Variants in KALRN observed in about 807,000 individuals in gnomAD.
KALRN encodes the protein kalirin.
KALRN carries 70 observed loss-of-function variants against 353.7 expected under a neutral mutation model. The observed-to-expected ratio is 0.20, with a 90% CI of 0.16 to 0.24. The LOEUF (loss-of-function observed/expected upper bound fraction) is 0.24. Ranked by LOEUF, KALRN falls within the 10% of genes least tolerant of loss-of-function variation. KALRN has a pLI of 1.00. For missense variants in KALRN, 2,791 were observed against 3,756.7 expected, an observed-to-expected ratio of 0.74 and a Z score of 6.72; for synonymous variants, 1,391 against 1,434.8, an observed-to-expected ratio of 0.97 and a Z score of 0.69.
intron 33 of KALRN, 84 bp from the exon 34 acceptor site, chr3:124,562,759 C>T: frequency 8.4e-7 from 1 of 1,190,308 alleles, no homozygotes; most frequent in South Asian, 1.4e-5. Context: ...CATCCTTCGT[C>T]CCCTCTCACC....
chr3:124,524,474 G>T (rs1236942654), intron 33 of KALRN, among the ~76,000 whole-genome samples: 1 of 152,180 alleles, frequency 6.6e-6, no homozygotes, highest in East Asian at 1.9e-4. Context: ...ATGACTAGAA[G>T]TTTCATATTG....
At chr3:124,259,179 A>C (rs1389160512) in intron 3 of KALRN, among the ~76,000 whole-genome samples, 1 of 152,202 alleles carries the variant, frequency 6.6e-6, no homozygotes, top group Non-Finnish European at 1.5e-5. Context: ...GTGAAAATGC[A>C]TCACACTTCA....
intron 25 of KALRN, among the ~76,000 whole-genome samples, chr3:124,466,646 C>G (rs943347492): frequency 6.6e-6 from 1 of 152,148 alleles, no homozygotes; most frequent in Admixed American, 6.5e-5. Context: ...CTACTCCCAG[C>G]GCTCAGAGGG....
intron 33 of KALRN, among the ~76,000 whole-genome samples, chr3:124,535,071 G>A (rs2068395255): frequency 6.6e-6 from 1 of 151,956 alleles, no homozygotes; most frequent in South Asian, 2.1e-4. Flanking sequence ...ACTTGGCTCT[G>A]TTTCTGCCTA....
intron 1 of KALRN, among the ~76,000 whole-genome samples, chr3:124,200,585 A>G (rs139538163): frequency 2.0e-5 from 3 of 152,320 alleles, no homozygotes; most frequent in African/African-American, 7.2e-5. Context: ...ATTTCAACAT[A>G]TAAATTTGGG....
intron 38 of KALRN, among the ~76,000 whole-genome samples, chr3:124,654,643 T>G (rs1311106178): frequency 1.3e-5 from 2 of 152,006 alleles, no homozygotes; most frequent in African/African-American, 2.4e-5. Flanking sequence ...GTGTTTGGGT[T>G]TGAGGCTTCA....
At chr3:124,366,678 A>G (rs1337809480) in intron 10 of KALRN, among the ~76,000 whole-genome samples, 8 of 150,662 alleles carry the variant, frequency 5.3e-5, no homozygotes, top group African/African-American at 4.9e-5. Context: ...ATTCCACAAA[A>G]CCGCCATTGT....
intron 33 of KALRN, among the ~76,000 whole-genome samples, chr3:124,504,491 A>G (rs1366285093): frequency 6.6e-6 from 1 of 152,206 alleles, no homozygotes; most frequent in Non-Finnish European, 1.5e-5. Flanking sequence ...ACTATGCTGA[A>G]TGTCCTTGCA....
chr3:124,403,837 G>C (rs990568636), intron 13 of KALRN, among the ~76,000 whole-genome samples: 1 of 152,222 alleles, frequency 6.6e-6, no homozygotes, highest in Admixed American at 6.5e-5. Context: ...CACAGAAACA[G>C]AGAATCATCA....
rs572938133 is a variant in KALRN at position 124,626,843 on chromosome 3, T to A, written c.5183-5577T>A. Among the ~76,000 whole-genome samples the A allele has an allele frequency of 7.9e-5, 12 of 152,342 alleles. No homozygotes were observed. The South Asian group carries it at 2.1e-3, about 26-fold the overall frequency. On this transcript the variant is annotated intron_variant, in intron 34 of 59. Coordinates refer to ENST00000682506, the MANE Select transcript of KALRN (RefSeq NM_001388419.1). Reference sequence around the variant, plus strand: ...GGATGTAGAGATAAGATTAAATACATGTGTGGTGGAGTCAGATCTGGGTTT... The same window carrying A: ...GGATGTAGAGATAAGATTAAATACAAGTGTGGTGGAGTCAGATCTGGGTTT...
chr3:124,039,071 C>T (rs2039699294), intron 1 of KALRN, among the ~76,000 whole-genome samples: 1 of 152,240 alleles, frequency 6.6e-6, no homozygotes, highest in Non-Finnish European at 1.5e-5. Flanking sequence ...TAAAGCACTA[C>T]TTTCATCACA....
At chr3:124,585,039 C>T in intron 34 of KALRN, 10 of 1,105,770 alleles carry the variant, frequency 9.0e-6, no homozygotes, top group South Asian at 1.7e-5. Context: ...ATCAGGAGGG[C>T]GGCGAAGTGA....
At chr3:124,677,901 A>T (rs1374983823) in intron 49 of KALRN, among the ~76,000 whole-genome samples, 1 of 152,216 alleles carries the variant, frequency 6.6e-6, no homozygotes, top group Non-Finnish European at 1.5e-5. Context: ...GGTATGGTAT[A>T]CAAACTCCCT....
chr3:124,108,791 G>T (rs2062563857), intron 1 of KALRN, among the ~76,000 whole-genome samples: 1 of 152,106 alleles, frequency 6.6e-6, no homozygotes, highest in Non-Finnish European at 1.5e-5. Flanking sequence ...GGGGTGGTTT[G>T]TATCTGTAGC....
chr3:124,579,213 C>G (rs1194801209), intron 34 of KALRN, among the ~76,000 whole-genome samples: 1 of 152,128 alleles, frequency 6.6e-6, no homozygotes, highest in East Asian at 1.9e-4. Flanking sequence ...ACACTGGTGC[C>G]TGATGTCAGG....
At position 124,474,610 on chromosome 3, in the gene KALRN, T is replaced by TG. The variant is rs945029043; in HGVS notation, c.4032-47dup. 5.7e-5 allele frequency: 82 copies of TG among 1,437,394 alleles called. No homozygotes were observed. The East Asian group carries it at 8.9e-4, about 16-fold the overall frequency. 89.0% of individuals were successfully genotyped at this position (1,437,394 alleles called of 1,614,324 possible). On this transcript the variant is annotated intron_variant, in intron 25 of 59. Coordinates refer to ENST00000682506, the MANE Select transcript of KALRN (RefSeq NM_001388419.1). ...TTGTGCTGGCCTCAGTGCAATCCTCTGGGGGGTCAGCTGCACAGAGGTGTC... is the reference window on the plus strand; with the variant it reads ...TTGTGCTGGCCTCAGTGCAATCCTCTGGGGGGGTCAGCTGCACAGAGGTGTC...
intron 5 of KALRN, among the ~76,000 whole-genome samples, chr3:124,275,418 CTT>C (rs2074605711): frequency 6.6e-6 from 1 of 152,164 alleles, no homozygotes; most frequent in African/African-American, 2.4e-5. Context: ...GGGTTCTTCT[CTT>C]TTCAGGATTG....
At chr3:124,403,345 G>A (rs2091108584) in intron 13 of KALRN, among the ~76,000 whole-genome samples, 1 of 152,084 alleles carries the variant, frequency 6.6e-6, no homozygotes, top group South Asian at 2.1e-4. Context: ...TGGATAATTT[G>A]GGGCATTTTC....
chr3:124,328,766 G>C (rs554308824), intron 7 of KALRN, among the ~76,000 whole-genome samples: 1 of 152,318 alleles, frequency 6.6e-6, no homozygotes, highest in South Asian at 2.1e-4. Context: ...CTGGAGAAGT[G>C]CACGTTTATT....
Sources: gnomAD v4.1 joint callset for allele counts (sites outside exome capture counted in the v4.1 genomes callset) on GRCh38, gnomAD v4.1.1 for gene constraint, MANE v1.5 for transcripts, NCBI Gene and HGNC (gene_info 2026-07-23, HGNC 2026-07-21) for gene names.